TRRAP: variants seen among roughly 807,000 people sequenced by gnomAD.
TRRAP encodes the protein transformation/transcription domain associated protein.
A neutral mutation model predicts 438.8 loss-of-function variants in TRRAP; 41 were observed. The observed-to-expected ratio is 0.09, with a 90% CI of 0.07 to 0.12. The LOEUF is 0.12. Among genes scored for constraint, TRRAP ranks in the 10% least tolerant of loss-of-function variants. The pLI is 1.00. For missense variants in TRRAP, 3,122 were observed against 5,055.1 expected, an observed-to-expected ratio of 0.62 and a Z score of 11.60; for synonymous variants, 1,994 against 1,962.9, an observed-to-expected ratio of 1.02 and a Z score of -0.42.
At chr7:98,967,217 G>GGCCA in intron 50 of TRRAP, 55 bp downstream of exon 50, 1 of 1,568,004 alleles carries the variant, frequency 6.4e-7, no homozygotes, top group Admixed American at 1.9e-5. Context: ...TGTGCTCCCC[G>GGCCA]GCCAGCCAGC....
chr7:98,967,727 CG>C, intron 51 of TRRAP, 29 bp downstream of exon 51: 1 of 1,599,758 alleles, frequency 6.3e-7, no homozygotes. Context: ...CATCTGTGGC[CG>C]GGGGCAGCTG....
chr7:98,952,197 T>C (rs1791372577), intron 39 of TRRAP, among the ~76,000 whole-genome samples: 2 of 152,238 alleles, frequency 1.3e-5, no homozygotes, highest in South Asian at 4.1e-4. Context: ...GCCATTATAC[T>C]TGATTTAATA....
chr7:98,991,365 G>A (rs1171373192), intron 64 of TRRAP, among the ~76,000 whole-genome samples: 1 of 152,222 alleles, frequency 6.6e-6, no homozygotes, highest in East Asian at 1.9e-4. Flanking sequence ...CATTCCTCTG[G>A]CTCCTTCCTG....
chr7:99,012,172 A>G lies in TRRAP; in HGVS notation c.11439A>G (p.Pro3813=), dbSNP rs781131386. The G allele has an allele frequency of 9.9e-6, 16 of 1,614,256 alleles. No homozygotes were observed. Among genetic ancestry groups the G allele is most frequent in the East Asian group, 2.2e-5 (1 of 44,882 alleles). Residue 3813 remains proline (P), a synonymous_variant, in exon 73 of 73, where the codon CCA becomes CCG. Transcript: ENST00000456197. This position sits in a 1 kb window ranked among gnomAD's most constrained non-coding sequence, Gnocchi z 5.9. The part of the protein sequence containing the change: ...TSSPLSAAGQ[P]ENMDSQQLVS... Reference sequence around the variant, plus strand: ...CTCCTCTCTCGGCCGCCGGGCAGCCAGAGAACATGGACAGCCAGCAACTGG... The same window carrying G: ...CTCCTCTCTCGGCCGCCGGGCAGCCGGAGAACATGGACAGCCAGCAACTGG...
chr7:98,966,978 A>C, intron 49 of TRRAP, 63 bp from the exon 50 acceptor site: 1 of 1,539,432 alleles, frequency 6.5e-7, no homozygotes, highest in Admixed American at 2.1e-5. Context: ...GTAGGAGCTT[A>C]AAAAATACTA....
chr7:98,899,810 A>G (rs1554406359), intron 10 of TRRAP, 43 bp downstream of exon 10: 46 of 1,594,386 alleles, frequency 2.9e-5, no homozygotes, highest in Non-Finnish European at 3.8e-5. Context: ...CCTGGATTCC[A>G]AGTAAAAATA....
intron 52 of TRRAP, among the ~76,000 whole-genome samples, chr7:98,970,738 C>T (rs1222167672): frequency 6.6e-6 from 1 of 152,080 alleles, no homozygotes; most frequent in African/African-American, 2.4e-5. Context: ...TGAGAAAAGC[C>T]CGTGTTCATT....
Position 98,956,247 on chromosome 7 carries a change from C to T in TRRAP, c.6039C>T (p.Ala2013=), listed in dbSNP as rs368925736. 2.5e-5 allele frequency: 41 copies of T among 1,614,010 alleles called. No individual in the cohort carries two copies. The highest frequency in any genetic ancestry group is 3.1e-5 in the Non-Finnish European group (37 of 1,180,044). The change falls in exon 42 of 73, where the codon GCC becomes GCT. Residue 2013 remains alanine (A), a synonymous_variant. Transcript: ENST00000456197. This position sits in a 1 kb window ranked among gnomAD's most constrained non-coding sequence, Gnocchi z 4.5. ...PSVTIEQRRL[A]VDLSEVVIKW... is the part of the protein sequence containing the mutation. ...TCACCATCGAGCAGAGGCGGCTGGCCGTGGACCTGTCTGAAGTCGTCATCA... is the reference window on the plus strand; with the variant it reads ...TCACCATCGAGCAGAGGCGGCTGGCTGTGGACCTGTCTGAAGTCGTCATCA...
In TRRAP at chr7:98,950,226, C is replaced by T. The variant is rs371741710; in HGVS notation, c.5298C>T (p.Phe1766=). 6.2e-7 allele frequency: 1 copy of T among 1,614,202 alleles called. No individual in the cohort carries two copies. Among genetic ancestry groups the T allele is most frequent in the Non-Finnish European group, 8.5e-7 (1 of 1,180,038 alleles). Residue 1766 remains phenylalanine (F), a synonymous_variant, in exon 38 of 73, where the codon TTC becomes TTT. Transcript: ENST00000456197. The part of the protein sequence containing the change: ...KRALFFRFVD[F]NDPNFGDELK... ...CCCTGTTCTTTCGCTTTGTAGACTT[C>T]AACGACCCCAACTTCGGAGATGAAT...
At chr7:98,931,074 G>A (rs1462201917) in intron 25 of TRRAP, among the ~76,000 whole-genome samples, 1 of 152,206 alleles carries the variant, frequency 6.6e-6, no homozygotes, top group Non-Finnish European at 1.5e-5. Flanking sequence ...ACCACAGTGT[G>A]TCTGAAAAGG....
chr7:98,942,851 C>T, intron 30 of TRRAP, 98 bp from the exon 31 acceptor site: 2 of 1,332,822 alleles, frequency 1.5e-6, no homozygotes, highest in Non-Finnish European at 2.1e-6. Context: ...CTGCAGTTCT[C>T]ACACTAAACA....
chr7:98,959,255 G>A, intron 44 of TRRAP, 89 bp from the exon 45 acceptor site: 2 of 1,550,516 alleles, frequency 1.3e-6, no homozygotes, highest in South Asian at 2.5e-5. Flanking sequence ...AGGTGTAAGG[G>A]CCAGGGCACA....
At chr7:98,992,249 T>G in intron 65 of TRRAP, 22 bp downstream of exon 65, 1 of 1,612,940 alleles carries the variant, frequency 6.2e-7, no homozygotes, top group Non-Finnish European at 8.5e-7. Flanking sequence ...GTGGGGCCGG[T>G]AGGCCAGGCC....
chr7:98,909,758 G>A (rs1796976103), intron 14 of TRRAP, among the ~76,000 whole-genome samples: 1 of 149,948 alleles, frequency 6.7e-6, no homozygotes, highest in Admixed American at 6.7e-5. Context: ...CTCTGCACAT[G>A]CAAAACGGAT....
chr7:98,905,670 A>G (rs1305469407), intron 12 of TRRAP, among the ~76,000 whole-genome samples: 1 of 152,242 alleles, frequency 6.6e-6, no homozygotes, highest in Non-Finnish European at 1.5e-5. Flanking sequence ...AGCATCATCC[A>G]GGGAATGCAG....
At chr7:98,993,848 TTTG>T in intron 66 of TRRAP, 111 bp downstream of exon 66, 5 of 1,119,898 alleles carry the variant, frequency 4.5e-6, no homozygotes, top group Non-Finnish European at 6.5e-6. Flanking sequence ...CTTTTATATA[TTTG>T]TTGTTGAACT....
chr7:98,979,625 G>A (rs1266997020), intron 58 of TRRAP, among the ~76,000 whole-genome samples: 1 of 152,128 alleles, frequency 6.6e-6, no homozygotes, highest in Non-Finnish European at 1.5e-5. Flanking sequence ...ACATAAAATT[G>A]AATAAGTATT....
Position 98,948,582 on chromosome 7 carries a change from G to A in TRRAP, c.4685G>A (p.Arg1562Gln), listed in dbSNP as rs1157288984. 1.2e-6 allele frequency: 2 copies of A among 1,613,998 alleles called. No individual in the cohort carries two copies. Among genetic ancestry groups the A allele is most frequent in the Non-Finnish European group, 1.7e-6 (2 of 1,180,032 alleles). Residue 1562 changes from arginine to glutamine, a missense_variant, in exon 35 of 73, where the codon CGA becomes CAA. Arg to Gln is a conservative substitution (Grantham distance 43). Around this residue, in one of 24 missense-constraint regions of TRRAP, gnomAD observed 108 missense variants for 256.9 expected, o/e 0.42. Coordinates refer to ENST00000456197, the MANE Select transcript of TRRAP (RefSeq NM_001375524.1). This position sits in a 1 kb window ranked among gnomAD's most constrained non-coding sequence, Gnocchi z 4.9. ...GTTTTGCAGGCGGGGAGTCCATTCCGAGAGCCCCTGATCAAGTTCCTGACT... is the reference window on the plus strand; with the variant it reads ...GTTTTGCAGGCGGGGAGTCCATTCCAAGAGCCCCTGATCAAGTTCCTGACT... ...AMLIEAGSPF[R>Q]EPLIKFLTRH...
Position 98,893,727 on chromosome 7 carries a change from A to C in TRRAP, c.367-71A>C. 2.6e-5 allele frequency: 35 copies of C among 1,367,794 alleles called. No homozygotes were observed. In the South Asian group the frequency reaches 4.3e-4, roughly 17 times the overall value. The allele number at this position is 1,367,794 out of a possible 1,614,324, so 84.7% of individuals were successfully genotyped here. A position where few individuals can be genotyped will look rare whatever the true frequency, so the allele number is the denominator to read the frequency against. ...TGGTTGATGGAAAGTGTGTGTGCAG[A>C]AACTGCTGAGAAAATTAGCCTTTAA... On this transcript the variant is annotated intron_variant, in intron 5 of 72. Coordinates refer to ENST00000456197, the MANE Select transcript of TRRAP (RefSeq NM_001375524.1).
Sources: allele counts gnomAD v4.1 joint callset (sites outside exome capture counted in the v4.1 genomes callset), GRCh38; gene constraint gnomAD v4.1.1; regional missense constraint gnomAD v4.1.1; non-coding constraint Gnocchi (gnomAD v3.1); transcripts MANE v1.5; gene names NCBI Gene and HGNC (gene_info 2026-07-23, HGNC 2026-07-21).